PTPRT: variants seen among roughly 807,000 people sequenced by gnomAD.
PTPRT encodes the protein receptor-type tyrosine-protein phosphatase T.
A neutral mutation model predicts 176.8 loss-of-function variants in PTPRT; 56 were observed. The ratio of observed to expected loss-of-function variants is 0.32; its 90% CI spans 0.26 to 0.40. The LOEUF is 0.40. PTPRT is among the 10% of genes least tolerant of loss of function. The pLI, the probability that PTPRT is intolerant of heterozygous loss-of-function variation, is 1.00. For synonymous variants in PTPRT, 783 were observed against 739.0 expected (o/e 1.06, Z -0.96); for missense variants, 1,540 against 1,908.2 (o/e 0.81, Z 3.60).
chr20:42,625,262 G>A (rs6030371), intron 7 of PTPRT, among the ~76,000 whole-genome samples: 34,796 of 151,934 alleles, frequency 0.23, 4,380 homozygotes, highest in Non-Finnish European at 0.29. Flanking sequence ...TCTGGGGCAC[G>A]TTCTTATTAT....
At position 42,110,427 on chromosome 20, in the gene PTPRT, C is replaced by G. The variant is rs747961781; in HGVS notation, c.3160G>C (p.Gly1054Arg). Residue 1054 changes from glycine to arginine, a missense_variant, in exon 23 of 31, where the codon GGC (glycine) becomes CGC (arginine). By Grantham distance (125) the Gly-to-Arg change is moderately radical. Around this residue, in one of 11 missense-constraint regions of PTPRT, gnomAD observed 248 missense variants for 356.7 expected, o/e 0.70. Coordinates refer to ENST00000373187, the MANE Select transcript of PTPRT (RefSeq NM_007050.6). ...LFHFTSWPDH[G>R]VPCYATGLLG... The stretch of plus-strand genomic sequence containing the variant: ...AGGCCAGTGGCATAGCAGGGAACGC[C>G]GTGGTCAGGCCAGCTGGTGAAGTGG... The G allele has an allele frequency of 6.2e-7, 1 of 1,612,872 alleles. No homozygotes were observed. Among genetic ancestry groups the G allele is most frequent in the Non-Finnish European group, 8.5e-7 (1 of 1,179,068 alleles).
In PTPRT at chr20:42,885,874, G is replaced by T. The variant is rs190021886; in HGVS notation, c.147C>A (p.Thr49=). 6.2e-7 allele frequency: 1 copy of T among 1,611,006 alleles called. No homozygotes were observed. The highest frequency in any genetic ancestry group is 1.7e-5 in the Admixed American group (1 of 59,914). ...TAATCTGCTCCCAGGTGAACCCATT[G>T]GTCCCTAGAGCCACACTATAACCAC... ...SNCGYSVALG[T]NGFTWEQINT... Residue 49 remains threonine (T), a synonymous_variant, in exon 2 of 31, where the codon ACC becomes ACA. Coordinates refer to ENST00000373187, the MANE Select transcript of PTPRT (RefSeq NM_007050.6).
chr20:42,534,695 CAT>C (rs2072445155), intron 7 of PTPRT, among the ~76,000 whole-genome samples: 1 of 152,062 alleles, frequency 6.6e-6, no homozygotes, highest in Admixed American at 6.6e-5. Context: ...CAACACTGGC[CAT>C]ATCTTAATCA....
intron 6 of PTPRT, among the ~76,000 whole-genome samples, chr20:42,722,311 C>T (rs570342060): frequency 1.6e-4 from 24 of 152,314 alleles, no homozygotes; most frequent in African/African-American, 5.3e-4. Context: ...CACTGCCTCA[C>T]ACCCACCTCC....
chr20:42,603,634 T>A (rs1198098882), intron 7 of PTPRT, among the ~76,000 whole-genome samples: 1 of 152,204 alleles, frequency 6.6e-6, no homozygotes, highest in Non-Finnish European at 1.5e-5. Flanking sequence ...ACTGGCATGA[T>A]GTGATTTATG....
At chr20:42,655,335 A>G (rs187727002) in intron 7 of PTPRT, among the ~76,000 whole-genome samples, 82 of 152,278 alleles carry the variant, frequency 5.4e-4, no homozygotes, top group Non-Finnish European at 9.8e-4. Flanking sequence ...TATTAAAAAT[A>G]CAAAAACTGG....
At chr20:42,200,508 G>A (rs1991406140) in intron 15 of PTPRT, among the ~76,000 whole-genome samples, 1 of 152,090 alleles carries the variant, frequency 6.6e-6, no homozygotes, top group African/African-American at 2.4e-5. Flanking sequence ...ATCTCTCCCT[G>A]AATTCTTTCA....
chr20:42,797,563 C>T (rs570273324), intron 2 of PTPRT, among the ~76,000 whole-genome samples: 4 of 150,212 alleles, frequency 2.7e-5, no homozygotes, highest in Admixed American at 1.3e-4. Flanking sequence ...ACACAGTCCT[C>T]GGCCACTTTG....
rs1008257126 is a variant in PTPRT, at chr20:42,829,050, G to A, written c.215-37584C>T. Among the ~76,000 whole-genome samples, 4 of 152,158 alleles carry A rather than the reference G, an allele frequency of 2.6e-5. No homozygotes were observed. In the East Asian group the frequency reaches 7.7e-4, roughly 29 times the overall value. On this transcript the variant is annotated intron_variant, in intron 2 of 30. Coordinates refer to ENST00000373187, the MANE Select transcript of PTPRT (RefSeq NM_007050.6). ...TCACAGGCACTCCACACAAGCCCAT[G>A]AAAGCATCCAGAAGGGGGGCTATAC...
chr20:42,182,878 T>C (rs1990578147), intron 16 of PTPRT, among the ~76,000 whole-genome samples: 1 of 150,872 alleles, frequency 6.6e-6, no homozygotes, highest in African/African-American at 2.4e-5. Flanking sequence ...ACCCGTTGGG[T>C]TGTAGTGACT....
chr20:42,619,874 C>T (rs1339998482), intron 7 of PTPRT, among the ~76,000 whole-genome samples: 1 of 136,170 alleles, frequency 7.3e-6, no homozygotes, highest in Non-Finnish European at 1.6e-5. Context: ...AACTTCTTTG[C>T]CTTTGGTTTG....
chr20:42,165,857 T>C (rs142817447), intron 16 of PTPRT, among the ~76,000 whole-genome samples: 24 of 152,288 alleles, frequency 1.6e-4, no homozygotes, highest in African/African-American at 5.8e-4. Flanking sequence ...AGTGGAAATA[T>C]ATTGCAAGCC....
chr20:42,919,802 G>A (rs980034659), intron 1 of PTPRT, among the ~76,000 whole-genome samples: 4 of 152,136 alleles, frequency 2.6e-5, no homozygotes, highest in Non-Finnish European at 5.9e-5. Flanking sequence ...TGTTCCTTTT[G>A]TTCATTCTTT....
At chr20:42,421,200 C>T (rs911285735) in intron 9 of PTPRT, among the ~76,000 whole-genome samples, 2 of 152,090 alleles carry the variant, frequency 1.3e-5, no homozygotes, top group Non-Finnish European at 2.9e-5. Context: ...CTCTTCTCAA[C>T]GTAATGACAT....
At chr20:42,181,614 A>C (rs1407397318) in intron 16 of PTPRT, among the ~76,000 whole-genome samples, 1 of 152,190 alleles carries the variant, frequency 6.6e-6, no homozygotes, top group Non-Finnish European at 1.5e-5. Context: ...GCATAAGATC[A>C]GTTGACTGAA....
intron 12 of PTPRT, among the ~76,000 whole-genome samples, chr20:42,303,718 A>G (rs187116358): frequency 3.1e-4 from 47 of 152,182 alleles, no homozygotes; most frequent in African/African-American, 1.1e-3. Context: ...GCGTTAGGAG[A>G]CTGTTGAGGT....
At chr20:42,764,566 T>C (rs1333579902) in intron 5 of PTPRT, among the ~76,000 whole-genome samples, 1 of 152,036 alleles carries the variant, frequency 6.6e-6, no homozygotes, top group Admixed American at 6.6e-5. Flanking sequence ...GGCCATGAGG[T>C]AGGCATGGAA....
chr20:43,124,462 T>C lies in PTPRT; in HGVS notation c.88+65184A>G, dbSNP rs186247173. ...GGGAGGAACCAAGGCCAGGAAATAATCCCGGGCTGGCTTTCCCTGGCTGTG... is the reference window on the plus strand; with the variant it reads ...GGGAGGAACCAAGGCCAGGAAATAACCCCGGGCTGGCTTTCCCTGGCTGTG... On this transcript the variant is annotated intron_variant, in intron 1 of 30. Coordinates refer to ENST00000373187, the MANE Select transcript of PTPRT (RefSeq NM_007050.6). Among the ~76,000 whole-genome samples, 30 of 152,256 alleles carry C rather than the reference T, an allele frequency of 2.0e-4. No individual in the cohort carries two copies. In the East Asian group the frequency reaches 4.6e-3, roughly 23 times the overall value.
At chr20:42,834,944 T>C (rs1018040802) in intron 2 of PTPRT, among the ~76,000 whole-genome samples, 2 of 152,228 alleles carry the variant, frequency 1.3e-5, no homozygotes, top group Non-Finnish European at 2.9e-5. Context: ...AATGATTATC[T>C]GCTAGGCAAG....
Sources: gnomAD v4.1 joint callset for allele counts (sites outside exome capture counted in the v4.1 genomes callset) on GRCh38, gnomAD v4.1.1 for gene constraint, gnomAD v4.1.1 regional missense constraint, MANE v1.5 for transcripts, NCBI Gene and HGNC (gene_info 2026-07-23, HGNC 2026-07-21) for gene names.